ABL1: variants seen among roughly 807,000 people sequenced by gnomAD.
The protein encoded by ABL1 is ABL proto-oncogene 1, non-receptor tyrosine kinase.
ABL1 carries 11 observed loss-of-function variants against 94.7 expected under a neutral mutation model. That is an observed-to-expected ratio of 0.12 (90% CI 0.07 to 0.19). ABL1 has a LOEUF of 0.19. ABL1 is among the 10% of genes least tolerant of loss of function. The pLI, the probability that ABL1 is intolerant of heterozygous loss-of-function variation, is 1.00. For synonymous variants in ABL1, 656 were observed against 622.4 expected (o/e 1.05, Z -0.80); for missense variants, 1,082 against 1,489.4 (o/e 0.73, Z 4.50).
At chr9:130,867,751 G>A (rs1831180077) in intron 4 of ABL1, among the ~76,000 whole-genome samples, 1 of 152,222 alleles carries the variant, frequency 6.6e-6, no homozygotes, top group Non-Finnish European at 1.5e-5. Context: ...CTCGGAGCCT[G>A]CTGTTGCCAG....
Position 130,814,895 on chromosome 9 carries a change from A to AAAAGTAAAGTTTAGT in ABL1, c.137-39166_137-39165insGTAAAGTTTAGTAAA, listed in dbSNP as rs1830262649. 6.6e-6 allele frequency among the ~76,000 whole-genome samples: 1 copy of AAAAGTAAAGTTTAGT among 152,090 alleles called. No individual in the cohort carries two copies. Among genetic ancestry groups the AAAAGTAAAGTTTAGT allele is most frequent in the African/African-American group, 2.4e-5 (1 of 41,426 alleles). On this transcript the variant is annotated intron_variant, in intron 1 of 10. Coordinates refer to the ABL1 transcript ENST00000372348. The surrounding 1 kb of genome is among the most constrained non-coding windows in gnomAD (Gnocchi z 4.4). ...CTGTCTCAAAAAAATAAAATAAAAT[A>AAAAGTAAAGTTTAGT]AAAATAAAGTTTAGTAAAATAAAAA...
At chr9:130,809,990 CA>C (rs1425987402) in intron 1 of ABL1, among the ~76,000 whole-genome samples, 1 of 152,172 alleles carries the variant, frequency 6.6e-6, no homozygotes, top group African/African-American at 2.4e-5. Flanking sequence ...TTTAGGGATA[CA>C]AAACCATCTA....
At chr9:130,845,162 T>C (rs1588264046) in intron 1 of ABL1, among the ~76,000 whole-genome samples, 2 of 152,350 alleles carry the variant, frequency 1.3e-5, no homozygotes, top group African/African-American at 4.8e-5. Context: ...GTAGCCATTA[T>C]AGGCAGTAGA....
At chr9:130,734,763 C>T (rs1361703728) in intron 1 of ABL1, among the ~76,000 whole-genome samples, 1 of 151,896 alleles carries the variant, frequency 6.6e-6, no homozygotes, top group African/African-American at 2.4e-5. Flanking sequence ...CTCAAGTGAT[C>T]TACCCGCCTC....
intron 1 of ABL1, chr9:130,714,652 A>ATT: frequency 1.4e-6 from 1 of 738,700 alleles, no homozygotes. Flanking sequence ...TTCAAAATCT[A>ATT]TTTGAGTTGC....
At chr9:130,801,173 C>T (rs1394533713) in intron 1 of ABL1, among the ~76,000 whole-genome samples, 1 of 152,030 alleles carries the variant, frequency 6.6e-6, no homozygotes, top group Non-Finnish European at 1.5e-5. Flanking sequence ...CAGTGACCCA[C>T]CTACCTCAGC....
At position 130,880,277 on chromosome 9, in the gene ABL1, A is replaced by G; in HGVS notation, c.1513+120A>G. 1 of 1,217,698 alleles carries G rather than the reference A, an allele frequency of 8.2e-7. No homozygotes were observed. Among genetic ancestry groups the G allele is most frequent in the Admixed American group, 1.8e-5 (1 of 55,808 alleles). The allele number at this position is 1,217,698 out of a possible 1,614,324, so 75.4% of individuals were successfully genotyped here. On this transcript the variant is annotated intron_variant, in intron 9 of 10. Coordinates refer to ENST00000318560, the MANE Select transcript of ABL1 (RefSeq NM_005157.6). The surrounding 1 kb of genome is among the most constrained non-coding windows in gnomAD (Gnocchi z 4.4). ...TCACAGACCAGCCTGTCCTGAGACC[A>G]GAAAGCTGGGCAGAGGTGTGGAGTA...
chr9:130,753,955 C>G (rs953198496), intron 1 of ABL1, among the ~76,000 whole-genome samples: 1 of 151,876 alleles, frequency 6.6e-6, no homozygotes, highest in African/African-American at 2.4e-5. Context: ...CCTGTAATCC[C>G]AGCACTTTGG....
At chr9:130,728,382 T>C (rs1158566488) in intron 1 of ABL1, among the ~76,000 whole-genome samples, 1 of 149,848 alleles carries the variant, frequency 6.7e-6, no homozygotes, top group Non-Finnish European at 1.5e-5. Context: ...TTTTTTTTTT[T>C]TCTTTTCTTT....
At chr9:130,856,521 C>G (rs576163688) in intron 3 of ABL1, among the ~76,000 whole-genome samples, 92 of 152,188 alleles carry the variant, frequency 6.0e-4, no homozygotes, top group African/African-American at 2.1e-3. Flanking sequence ...TGTGCCCAGC[C>G]TATATTTTTT....
At chr9:130,807,693 T>G (rs200367721) in intron 1 of ABL1, among the ~76,000 whole-genome samples, 1 of 81,446 alleles carries the variant, frequency 1.2e-5, no homozygotes, top group East Asian at 3.8e-4. Flanking sequence ...TATATATATA[T>G]AGTTTTTTTT....
rs753439268 is a variant in ABL1, at chr9:130,874,922, T to G, written c.1140T>G (p.Ala380=). 6.2e-7 allele frequency: 1 copy of G among 1,614,168 alleles called. No homozygotes were observed. The highest frequency in any genetic ancestry group is 8.5e-7 in the Non-Finnish European group (1 of 1,180,022). Residue 380 remains alanine (A), a synonymous_variant, in exon 7 of 11, where the codon GCT becomes GCG. Coordinates refer to ENST00000318560, the MANE Select transcript of ABL1 (RefSeq NM_005157.6). ...GGGAGAACCACTTGGTGAAGGTAGC[T>G]GATTTTGGCCTGAGCAGGTTGATGA... ...LVGENHLVKV[A]DFGLSRLMTG...
chr9:130,758,988 A>G (rs1832076271), intron 1 of ABL1, among the ~76,000 whole-genome samples: 1 of 152,162 alleles, frequency 6.6e-6, no homozygotes, highest in African/African-American at 2.4e-5. Context: ...GGCTTTGGGA[A>G]GTGCTTTGGA....
At position 130,885,201 on chromosome 9, in the gene ABL1, C is replaced by T. The variant is rs2133039192; in HGVS notation, c.2911C>T (p.Pro971Ser). 6.2e-7 allele frequency: 1 copy of T among 1,613,554 alleles called. No homozygotes were observed. The highest frequency in any genetic ancestry group is 2.2e-5 in the East Asian group (1 of 44,876). Residue 971 changes from proline (P) to serine (S), a missense_variant, in exon 11 of 11, where the codon CCG becomes TCG. By Grantham distance (74) the Pro-to-Ser change is moderately conservative (BLOSUM62 -1). This residue lies in a region of ABL1 where 780 missense variants were observed against 835.8 expected (regional missense o/e 0.93). Transcript: ENST00000318560. ...PATPKPQSAK[P>S]SGTPISPAPV... ...CACTCCAAAGCCACAGTCCGCCAAG[C>T]CGTCGGGGACCCCCATCAGCCCAGC... is the stretch of plus-strand genomic sequence containing the variant.
rs373323350 is a variant in ABL1 at position 130,835,503 on chromosome 9, G to A, written c.57G>A (p.Ser19=). The part of the protein sequence containing the change: ...VGCKSKKGLS[S]SSSCYLEEAL... Reference sequence around the variant, plus strand: ...GCAAATCCAAGAAGGGGCTGTCCTCGTCCTCCAGCTGTTATCTGGAAGGTA... The same window carrying A: ...GCAAATCCAAGAAGGGGCTGTCCTCATCCTCCAGCTGTTATCTGGAAGGTA... The change falls in exon 1 of 11, where the codon TCG becomes TCA. Residue 19 remains serine, a synonymous_variant. Transcript: ENST00000318560. This position sits in a 1 kb window ranked among gnomAD's most constrained non-coding sequence, Gnocchi z 4.6. 7.0e-6 allele frequency: 11 copies of A among 1,561,780 alleles called. No individual in the cohort carries two copies. The African/African-American group carries it at 1.1e-4, about 15-fold the overall frequency.
At chr9:130,829,110 A>G (rs1830462563) in intron 1 of ABL1, among the ~76,000 whole-genome samples, 1 of 152,246 alleles carries the variant, frequency 6.6e-6, no homozygotes, top group Non-Finnish European at 1.5e-5. Context: ...AAATGCCTTC[A>G]AAGTTCATTT....
At chr9:130,784,678 G>A (rs575261225) in intron 1 of ABL1, among the ~76,000 whole-genome samples, 1 of 152,260 alleles carries the variant, frequency 6.6e-6, no homozygotes, top group African/African-American at 2.4e-5. Flanking sequence ...CTGAAGTGTG[G>A]TTGGTGGTCT....
Position 130,815,820 on chromosome 9 carries a change from G to A in ABL1, c.137-38244G>A, listed in dbSNP as rs1046717994. On this transcript the variant is annotated intron_variant, in intron 1 of 10. Coordinates refer to the ABL1 transcript ENST00000372348. ...GCAGATCACCTGAGGTCAGGAGTTC[G>A]AGACCAGCCTGGCCAACATGGTGAA... is the stretch of plus-strand genomic sequence containing the variant. 2.0e-5 allele frequency among the ~76,000 whole-genome samples: 3 copies of A among 152,038 alleles called. No individual in the cohort carries two copies. In the East Asian group the frequency reaches 5.8e-4, roughly 29 times the overall value.
At chr9:130,836,818 C>A (rs1215787490) in intron 1 of ABL1, among the ~76,000 whole-genome samples, 1 of 110,520 alleles carries the variant, frequency 9.0e-6, no homozygotes, top group Admixed American at 1.1e-4. Flanking sequence ...CAGCAAGACT[C>A]GGTCTCAAAA....
Sources: allele counts gnomAD v4.1 joint callset (sites outside exome capture counted in the v4.1 genomes callset), GRCh38; gene constraint gnomAD v4.1.1; regional missense constraint gnomAD v4.1.1; non-coding constraint Gnocchi (gnomAD v3.1); transcripts MANE v1.5; gene names NCBI Gene and HGNC (gene_info 2026-07-23, HGNC 2026-07-21).